TYW1B: variants seen among roughly 807,000 people sequenced by gnomAD.
TYW1B encodes tRNA-yW synthesizing protein 1 homolog B, also known as S-adenosyl-L-methionine-dependent tRNA 4-demethylwyosine synthase TYW1B.
In TYW1B, 73 loss-of-function variants were observed where a neutral mutation model predicts 86.9. That is an observed-to-expected ratio of 0.84 (90% confidence interval 0.70 to 1.02). The LOEUF (loss-of-function observed/expected upper bound fraction) is 1.02, where lower values mean the gene tolerates loss of function less well. TYW1B is among the 50% of genes least tolerant of loss of function. The pLI is 0.00. For synonymous variants in TYW1B, 248 were observed against 292.8 expected, an observed-to-expected ratio of 0.85 and a Z score of 1.56; for missense variants, 637 against 827.4, an observed-to-expected ratio of 0.77 and a Z score of 2.82.
chr7:72,757,574 C>T (rs1354927674), intron 7 of TYW1B, among the ~76,000 whole-genome samples: 4 of 152,064 alleles, frequency 2.6e-5, no homozygotes, highest in African/African-American at 9.7e-5. Context: ...TAGGCCTGCC[C>T]ATATGATGGA....
intron 10 of TYW1B, among the ~76,000 whole-genome samples, chr7:72,703,382 G>A (rs1554453078): frequency 2.0e-5 from 3 of 151,954 alleles, no homozygotes; most frequent in Non-Finnish European, 4.4e-5. Context: ...TAAATAAGAC[G>A]TGTGTTGCTT....
intron 11 of TYW1B, among the ~76,000 whole-genome samples, chr7:72,680,778 C>G (rs1554448350): frequency 6.6e-6 from 1 of 152,052 alleles, no homozygotes. Context: ...TTACAGGATA[C>G]TGATTCCCTC....
rs1314466541 is a variant in TYW1B at position 72,755,929 on chromosome 7, T to C, written c.965-11328A>G. ...GTATCAAGCAAAGATCAGGTGTGGA[T>C]TGTGAAAACGGGCAGGGGCAGTCCA... On this transcript the variant is annotated intron_variant, in intron 7 of 13. Coordinates refer to ENST00000620995, the MANE Select transcript of TYW1B (RefSeq NM_001145440.3). Among the ~76,000 whole-genome samples, 9 of 152,200 alleles carry C rather than the reference T, an allele frequency of 5.9e-5. No homozygotes were observed. In the East Asian group the frequency reaches 1.4e-3, roughly 23 times the overall value.
intron 13 of TYW1B, among the ~76,000 whole-genome samples, chr7:72,587,354 G>C (rs1585827729): frequency 2.0e-5 from 3 of 152,160 alleles, no homozygotes; most frequent in Non-Finnish European, 2.9e-5. Flanking sequence ...AATTCACACA[G>C]AGCCAGCTGT....
intron 12 of TYW1B, among the ~76,000 whole-genome samples, chr7:72,618,522 TA>T (rs1469261217): frequency 6.6e-6 from 1 of 151,968 alleles, no homozygotes; most frequent in African/African-American, 2.4e-5. Context: ...GGCCAACACT[TA>T]ATTTTTAAAA....
chr7:72,649,889 T>C (rs1813018379), intron 11 of TYW1B, among the ~76,000 whole-genome samples: 1 of 151,830 alleles, frequency 6.6e-6, no homozygotes, highest in African/African-American at 2.4e-5. Flanking sequence ...TCCAGGGATG[T>C]TCAGAATTTT....
At chr7:72,596,012 C>T (rs1271858272) in intron 13 of TYW1B, among the ~76,000 whole-genome samples, 1 of 151,614 alleles carries the variant, frequency 6.6e-6, no homozygotes, top group Non-Finnish European at 1.5e-5. Context: ...CCCATCTCTA[C>T]TAAAAACACA....
intron 11 of TYW1B, among the ~76,000 whole-genome samples, chr7:72,673,723 A>G (rs1344424004): frequency 6.6e-6 from 1 of 152,152 alleles, no homozygotes; most frequent in African/African-American, 2.4e-5. Flanking sequence ...ACTTAATTTA[A>G]TTGTACATTT....
chr7:72,825,032 G>C (rs1215952763), intron 2 of TYW1B, among the ~76,000 whole-genome samples: 1 of 151,518 alleles, frequency 6.6e-6, no homozygotes, highest in African/African-American at 2.4e-5. Flanking sequence ...GAGCCCGAGA[G>C]GCAGAGGTTG....
chr7:72,659,510 T>C (rs1161276043), intron 11 of TYW1B, among the ~76,000 whole-genome samples: 1 of 152,028 alleles, frequency 6.6e-6, no homozygotes, highest in East Asian at 1.9e-4. Flanking sequence ...CCCGGGAGGC[T>C]GAGGGTACAG....
intron 7 of TYW1B, among the ~76,000 whole-genome samples, chr7:72,769,397 A>T (rs139479536): frequency 1.3e-5 from 2 of 152,198 alleles, no homozygotes; most frequent in South Asian, 4.1e-4. Flanking sequence ...AGAGTAAGAG[A>T]CTGATTAATT....
chr7:72,620,099 T>TA (rs781908141), intron 12 of TYW1B, among the ~76,000 whole-genome samples: 20 of 152,120 alleles, frequency 1.3e-4, no homozygotes, highest in Non-Finnish European at 1.5e-5. Context: ...TTTTGCCAGA[T>TA]AAAACCCTTT....
chr7:72,749,912 G>GGT (rs1787469244), intron 7 of TYW1B, among the ~76,000 whole-genome samples: 2 of 119,008 alleles, frequency 1.7e-5, no homozygotes, highest in Admixed American at 9.3e-5. Flanking sequence ...GGTTTTTTTT[G>GGT]TTTTTTTTTT....
chr7:72,780,539 T>C (rs1250346847), intron 6 of TYW1B, among the ~76,000 whole-genome samples: 11 of 152,084 alleles, frequency 7.2e-5, no homozygotes, highest in African/African-American at 2.7e-4. Context: ...TGCCCAAAGC[T>C]CCACAGACAC....
chr7:72,711,153 G>A (rs1367913639), intron 10 of TYW1B, among the ~76,000 whole-genome samples: 15 of 152,152 alleles, frequency 9.9e-5, no homozygotes, highest in African/African-American at 3.6e-4. Context: ...CAGTAAAACA[G>A]TGGGCCTTAA....
At chr7:72,790,087 A>T (rs1409584698) in intron 6 of TYW1B, among the ~76,000 whole-genome samples, 2 of 151,344 alleles carry the variant, frequency 1.3e-5, no homozygotes, top group Non-Finnish European at 2.9e-5. Flanking sequence ...AGCTGGGATT[A>T]CAGGCATGCA....
At chr7:72,770,498 T>G (rs1427176293) in intron 7 of TYW1B, among the ~76,000 whole-genome samples, 1 of 144,672 alleles carries the variant, frequency 6.9e-6, no homozygotes, top group Non-Finnish European at 1.5e-5. Context: ...TTCACAACCA[T>G]AAAAATGCCT....
intron 7 of TYW1B, among the ~76,000 whole-genome samples, chr7:72,775,994 G>A (rs558417447): frequency 6.6e-6 from 1 of 152,050 alleles, no homozygotes; most frequent in East Asian, 1.9e-4. Context: ...TAGAGCATAC[G>A]TAAAACACTC....
At chr7:72,768,233 C>T (rs112901433) in intron 7 of TYW1B, among the ~76,000 whole-genome samples, 1 of 151,602 alleles carries the variant, frequency 6.6e-6, no homozygotes, top group Non-Finnish European at 1.5e-5. Flanking sequence ...AGGGCAAGAC[C>T]CTACCTCAAA....
Sources: allele counts gnomAD v4.1 joint callset (sites outside exome capture counted in the v4.1 genomes callset), GRCh38; gene constraint gnomAD v4.1.1; transcripts MANE v1.5; gene names NCBI Gene and HGNC (gene_info 2026-07-23, HGNC 2026-07-21).